Variants in LRRIQ3 observed in about 807,000 individuals in gnomAD.
LRRIQ3 encodes leucine rich repeats and IQ motif containing 3.
A neutral mutation model predicts 59.3 loss-of-function variants in LRRIQ3; 75 were observed. The observed-to-expected ratio is 1.26, with a 90% CI of 1.05 to 1.53. The LOEUF (loss-of-function observed/expected upper bound fraction) is 1.53. LRRIQ3 is among the 40% of genes most tolerant of loss of function. The pLI is 0.00. For missense variants in LRRIQ3, 831 were observed against 710.0 expected (o/e 1.17, Z -1.94); for synonymous variants, 250 against 231.3 (o/e 1.08, Z -0.73).
chr1:74,118,209 C>T (rs1213490627), intron 4 of LRRIQ3, among the ~76,000 whole-genome samples: 1 of 152,022 alleles, frequency 6.6e-6, no homozygotes, highest in Non-Finnish European at 1.5e-5. Context: ...ATCATTACTA[C>T]ACTCTCGCTT....
At chr1:74,073,207 T>G (rs1315354418) in intron 6 of LRRIQ3, among the ~76,000 whole-genome samples, 1 of 152,080 alleles carries the variant, frequency 6.6e-6, no homozygotes, top group East Asian at 1.9e-4. Context: ...AAATACTATT[T>G]AGTTTTCATA....
Position 74,183,453 on chromosome 1 carries a change from C to T in LRRIQ3, c.232G>A (p.Asp78Asn). 2 of 1,583,044 alleles carry T rather than the reference C, an allele frequency of 1.3e-6. No homozygotes were observed. The highest frequency in any genetic ancestry group is 1.4e-5 in the African/African-American group (1 of 73,480). Residue 78 changes from aspartate (D) to asparagine (N), a missense_variant, in exon 2 of 8, where the codon GAT becomes AAT. Physicochemically the swap from Asp to Asn is conservative, Grantham distance 23 (BLOSUM62 1). Transcript: ENST00000354431. Reference protein sequence around the residue: ...LQSCIKLIKLDLHGNQIKSLP... With the variant: ...LQSCIKLIKLNLHGNQIKSLP... ...TTGCTTACCTGATTTCCATGGAGATCAAGTTTGATTAATTTTATACAACTT... is the reference window on the plus strand; with the variant it reads ...TTGCTTACCTGATTTCCATGGAGATTAAGTTTGATTAATTTTATACAACTT...
At chr1:74,162,095 T>A (rs1648694563) in intron 3 of LRRIQ3, among the ~76,000 whole-genome samples, 1 of 151,896 alleles carries the variant, frequency 6.6e-6, no homozygotes, top group Non-Finnish European at 1.5e-5. Flanking sequence ...ATAACGATGG[T>A]ACAACTCACT....
At chr1:74,141,212 T>G (rs753792573) in intron 4 of LRRIQ3, among the ~76,000 whole-genome samples, 2 of 151,940 alleles carry the variant, frequency 1.3e-5, no homozygotes, top group Non-Finnish European at 2.9e-5. Flanking sequence ...AACTAGGTTT[T>G]CTTTGGCTGC....
At chr1:74,030,373 A>G (rs1331216746) in intron 7 of LRRIQ3, among the ~76,000 whole-genome samples, 3 of 152,180 alleles carry the variant, frequency 2.0e-5, no homozygotes, top group Non-Finnish European at 2.9e-5. Flanking sequence ...CTACAAGGCT[A>G]CAGTAACCAA....
rs1648698424 is a variant in LRRIQ3 at position 74,162,201 on chromosome 1, G to C, written c.574-6335C>G. ...ATATAGTGTTTTAGGGTTTATAAGGGACTTCTACATACATTATTATATTTG... is the reference window on the plus strand; with the variant it reads ...ATATAGTGTTTTAGGGTTTATAAGGCACTTCTACATACATTATTATATTTG... On this transcript the variant is annotated intron_variant, in intron 3 of 7. Transcript: ENST00000354431. Among the ~76,000 whole-genome samples, 4 of 151,834 alleles carry C rather than the reference G, an allele frequency of 2.6e-5. No homozygotes were observed. The South Asian group carries it at 8.3e-4, about 31-fold the overall frequency.
At chr1:74,113,787 T>C (rs1187638461) in intron 4 of LRRIQ3, among the ~76,000 whole-genome samples, 1 of 152,070 alleles carries the variant, frequency 6.6e-6, no homozygotes, top group Non-Finnish European at 1.5e-5. Flanking sequence ...ATAAAGGAAG[T>C]TCTCTTTAGG....
At chr1:74,083,281 T>C (rs1646292337) in intron 5 of LRRIQ3, 1 of 151,742 alleles carries the variant, frequency 6.6e-6, no homozygotes, top group Admixed American at 6.6e-5. Context: ...ACTTTATGCC[T>C]ACTGCTCTGG....
intron 4 of LRRIQ3, among the ~76,000 whole-genome samples, chr1:74,132,524 C>T (rs971624885): frequency 4.6e-5 from 7 of 151,950 alleles, no homozygotes; most frequent in Non-Finnish European, 7.4e-5. Flanking sequence ...GAGATATAGA[C>T]CAATGGAACA....
At chr1:74,048,249 G>A (rs1015040016) in intron 6 of LRRIQ3, among the ~76,000 whole-genome samples, 13 of 152,118 alleles carry the variant, frequency 8.5e-5, no homozygotes, top group African/African-American at 2.9e-4. Flanking sequence ...ATGGATAATA[G>A]GAGTGCTCAG....
At chr1:74,030,931 C>T (rs1057042251) in intron 7 of LRRIQ3, among the ~76,000 whole-genome samples, 5 of 152,044 alleles carry the variant, frequency 3.3e-5, no homozygotes, top group African/African-American at 1.2e-4. Context: ...AACAAACAAC[C>T]CCATCAAAAA....
intron 4 of LRRIQ3, among the ~76,000 whole-genome samples, chr1:74,155,176 T>C (rs1479859067): frequency 1.3e-5 from 2 of 152,240 alleles, no homozygotes; most frequent in Non-Finnish European, 2.9e-5. Flanking sequence ...ATATGAATAT[T>C]TTCATTTAGT....
In LRRIQ3 at chr1:74,159,406, TTG is replaced by T. The variant is rs1201254360; in HGVS notation, c.574-3542_574-3541del. Among the ~76,000 whole-genome samples, 6 of 152,260 alleles carry T rather than the reference TTG, an allele frequency of 3.9e-5. No homozygotes were observed. The East Asian group carries it at 9.7e-4, about 25-fold the overall frequency. On this transcript the variant is annotated intron_variant, in intron 3 of 7. Transcript: ENST00000354431. ...TCTATAACTGGCATTTGATTATCAA[TTG>T]ACTGTTAAAATACTAAGTAATCATT...
chr1:74,184,871 G>A (rs1427939989), intron 1 of LRRIQ3, among the ~76,000 whole-genome samples: 1 of 152,102 alleles, frequency 6.6e-6, no homozygotes, highest in East Asian at 1.9e-4. Flanking sequence ...TTGGTGCTGG[G>A]ATGTAGGATA....
intron 5 of LRRIQ3, among the ~76,000 whole-genome samples, chr1:74,103,032 T>C (rs1646557200): frequency 6.6e-6 from 1 of 151,982 alleles, no homozygotes; most frequent in South Asian, 2.1e-4. Flanking sequence ...TAGTATCTTC[T>C]CTATAGATTC....
At chr1:74,090,607 G>A (rs1472721104) in intron 5 of LRRIQ3, among the ~76,000 whole-genome samples, 2 of 152,042 alleles carry the variant, frequency 1.3e-5, no homozygotes, top group Non-Finnish European at 2.9e-5. Flanking sequence ...ATTTGTTTAG[G>A]CCAGGCATGG....
intron 5 of LRRIQ3, among the ~76,000 whole-genome samples, chr1:74,100,149 T>C (rs1191794576): frequency 6.6e-6 from 1 of 152,152 alleles, no homozygotes; most frequent in Non-Finnish European, 1.5e-5. Flanking sequence ...ACTGTATATC[T>C]AGAAAACCCC....
At chr1:74,181,148 G>C (rs1238984813) in intron 3 of LRRIQ3, 3 of 210,898 alleles carry the variant, frequency 1.4e-5, no homozygotes, top group African/African-American at 7.0e-5. Context: ...TACCACAATG[G>C]CATTCACTGA....
Position 74,169,412 on chromosome 1 carries a change from T to TTCTTATATAGACCCAGAAGTAGAAA in LRRIQ3, c.573+13101_573+13125dup. On this transcript the variant is annotated intron_variant, in intron 3 of 7. Transcript: ENST00000354431. The stretch of plus-strand genomic sequence containing the variant: ...TGTTTAAGATCCTGATTTTAATTGT[T>TTCTTATATAGACCCAGAAGTAGAAA]TCTTATATAGACCCAGAAGTAGAAA... 2.0e-5 allele frequency among the ~76,000 whole-genome samples: 3 copies of TTCTTATATAGACCCAGAAGTAGAAA among 152,306 alleles called. No homozygotes were observed. The South Asian group carries it at 6.2e-4, about 32-fold the overall frequency.
Sources: allele counts gnomAD v4.1 joint callset (sites outside exome capture counted in the v4.1 genomes callset), GRCh38; gene constraint gnomAD v4.1.1; transcripts MANE v1.5; gene names NCBI Gene and HGNC (gene_info 2026-07-23, HGNC 2026-07-21).